Variants in SCGB3A1 observed in about 807,000 individuals in gnomAD.
SCGB3A1 encodes secretoglobin family 3A member 1, also known as cytokine HIN-1.
Under a neutral mutation model 7.6 loss-of-function variants are expected in SCGB3A1, and 7 were observed. The observed-to-expected ratio is 0.93, with a 90% CI of 0.53 to 1.74. The LOEUF is 1.74. Ranked by LOEUF, SCGB3A1 falls within the 40% of genes most tolerant of loss-of-function variation. The probability of loss-of-function intolerance (pLI) is 0.00; values close to 1 mark genes in which losing one functional copy is unlikely to be tolerated. For missense variants in SCGB3A1, 119 were observed against 129.0 expected (o/e 0.92, Z 0.38); for synonymous variants, 67 against 66.6 (o/e 1.01, Z -0.03).
chr5:180,590,886 G>C (rs1761302797), intron 1 of SCGB3A1, 48 bp from the exon 2 acceptor site: 1 of 1,464,830 alleles, frequency 6.8e-7, no homozygotes, highest in South Asian at 1.2e-5. Context: ...GGGGTCCCCA[G>C]AAGGCAGGTC....
At chr5:180,591,263 C>T in intron 1 of SCGB3A1, 148 bp downstream of exon 1, 1 of 585,252 alleles carries the variant, frequency 1.7e-6, no homozygotes, top group Non-Finnish European at 2.5e-6. Context: ...GGGCTGCAGG[C>T]GCGGGGCCCC....
intron 2 of SCGB3A1, 49 bp downstream of exon 2, chr5:180,590,551 C>CCGGGAAGGGATGCCCGCG (rs1332971456): frequency 5.5e-6 from 8 of 1,464,070 alleles, no homozygotes; most frequent in Non-Finnish European, 7.5e-6. Context: ...TTGAGGCTGG[C>CCGGGAAGGGATGCCCGCG]CGGGAAGGGA....
In SCGB3A1 at chr5:180,590,625, G is replaced by GC. The variant is rs1036982666; in HGVS notation, c.265dup (p.Ala89GlyfsTer26). ...CAGCAGGGCCTTCAGGGCCTTCACG[G>GC]CCCCCACGGCCTGGGGACCCAGCTC... On this transcript the variant is annotated frameshift_variant, in exon 2 of 3. Coordinates refer to ENST00000292641, the MANE Select transcript of SCGB3A1 (RefSeq NM_052863.3). LOFTEE classifies it high-confidence loss of function. 2.5e-6 allele frequency: 4 copies of GC among 1,602,732 alleles called. No individual in the cohort carries two copies. The highest frequency in any genetic ancestry group is 1.3e-5 in the African/African-American group (1 of 74,646).
chr5:180,590,242 C>G lies in SCGB3A1; in HGVS notation c.304G>C (p.Val102Leu). 2 of 1,583,980 alleles carry G rather than the reference C, an allele frequency of 1.3e-6. No individual in the cohort carries two copies. The highest frequency in any genetic ancestry group is 1.7e-6 in the Non-Finnish European group (2 of 1,165,564). ...GCTCCAGTCTCGGCTCAGCCAAACACTGTCAGGGCCCCCTGGAAAGCAGAA... is the reference window on the plus strand; with the variant it reads ...GCTCCAGTCTCGGCTCAGCCAAACAGTGTCAGGGCCCCCTGGAAAGCAGAA... The part of the protein sequence containing the change: ...ALKALLGALT[V>L]FG The change falls in exon 3 of 3, where the codon GTG (valine) becomes CTG (leucine). Residue 102 changes from valine (V) to leucine (L), a missense_variant. By Grantham distance (32) the Val-to-Leu change is conservative. Transcript: ENST00000292641.
Position 180,590,623 on chromosome 5 carries a change from C to T in SCGB3A1, c.268G>A (p.Val90Met). ...ACCAGCAGGGCCTTCAGGGCCTTCA[C>T]GGCCCCCACGGCCTGGGGACCCAGC... is the stretch of plus-strand genomic sequence containing the variant. ...AELGPQAVGAVKALKALLGAL... is the reference protein window; with the variant it reads ...AELGPQAVGAMKALKALLGAL... The change falls in exon 2 of 3, where the codon GTG becomes ATG. Residue 90 changes from valine to methionine, a missense_variant. Coordinates refer to ENST00000292641, the MANE Select transcript of SCGB3A1 (RefSeq NM_052863.3). The T allele has an allele frequency of 6.2e-7, 1 of 1,602,076 alleles. No individual in the cohort carries two copies. The highest frequency in any genetic ancestry group is 8.5e-7 in the Non-Finnish European group (1 of 1,174,596).
At position 180,591,445 on chromosome 5, in the gene SCGB3A1, G is replaced by A. The variant is rs1761314234; in HGVS notation, c.18C>T (p.Leu6=). 1 of 1,228,360 alleles carries A rather than the reference G, an allele frequency of 8.1e-7. No individual in the cohort carries two copies. 76.1% of individuals were successfully genotyped at this position (1,228,360 alleles called of 1,614,324 possible). MKLAA[L]LGLCVALSCS... The stretch of plus-strand genomic sequence containing the variant: ...AGGACAGGGCCACGCAGAGCCCCAG[G>A]AGGGCGGCGAGCTTCATGGCGCGGG... The change falls in exon 1 of 3, where the codon CTC becomes CTT. Residue 6 remains leucine (L), a synonymous_variant. Coordinates refer to ENST00000292641, the MANE Select transcript of SCGB3A1 (RefSeq NM_052863.3).
At position 180,590,165 on chromosome 5, in the gene SCGB3A1, G is replaced by A. The variant is rs1761285478; in HGVS notation, c.*66C>T. On this transcript the variant is annotated 3_prime_UTR_variant, in exon 3 of 3. Transcript: ENST00000292641. The stretch of plus-strand genomic sequence containing the variant: ...AAGGGGATGGACGGTCCTCCCCGCG[G>A]CGGGGTTTTCAGCCCTCGCGGGTGG... The A allele has an allele frequency of 6.5e-7, 1 of 1,535,366 alleles. No homozygotes were observed.
intron 1 of SCGB3A1, 113 bp from the exon 2 acceptor site, chr5:180,590,951 C>T: frequency 1.4e-6 from 1 of 736,438 alleles, no homozygotes; most frequent in Non-Finnish European, 2.1e-6. Flanking sequence ...GCCCGGCTCC[C>T]CGACCGCCCC....
chr5:180,590,310 C>CG, intron 2 of SCGB3A1, 56 bp from the exon 3 acceptor site: 1 of 1,553,606 alleles, frequency 6.4e-7, no homozygotes, highest in East Asian at 2.4e-5. Flanking sequence ...AGAACTCAGG[C>CG]GGGGGCGCGG....
chr5:180,590,519 C>T, intron 2 of SCGB3A1, 81 bp downstream of exon 2: 2 of 1,174,268 alleles, frequency 1.7e-6, no homozygotes, highest in African/African-American at 1.5e-5. Context: ...TGACGTAGGG[C>T]CGGGACACCT....
In SCGB3A1 at chr5:180,591,469, G is replaced by A; in HGVS notation, c.-7C>T. On this transcript the variant is annotated 5_prime_UTR_variant, in exon 1 of 3. Transcript: ENST00000292641. ...GGAGGGCGGCGAGCTTCATGGCGCGGGGGCTCGGGGCGCGCGGGGAACCTG... is the reference window on the plus strand; with the variant it reads ...GGAGGGCGGCGAGCTTCATGGCGCGAGGGCTCGGGGCGCGCGGGGAACCTG... The A allele has an allele frequency of 8.1e-7, 1 of 1,228,424 alleles. No individual in the cohort carries two copies. The highest frequency in any genetic ancestry group is 4.1e-5 in the South Asian group (1 of 24,296). 76.1% of individuals were successfully genotyped at this position (1,228,424 alleles called of 1,614,324 possible). A position where few individuals can be genotyped will look rare whatever the true frequency, so the allele number is the denominator to read the frequency against.
chr5:180,591,008 G>C, intron 1 of SCGB3A1, 170 bp from the exon 2 acceptor site: 1 of 562,978 alleles, frequency 1.8e-6, no homozygotes, highest in Non-Finnish European at 3.0e-6. Flanking sequence ...CGGGACACAG[G>C]CGGGTCTGGG....
At chr5:180,591,001 G>A (rs1158425458) in intron 1 of SCGB3A1, 163 bp from the exon 2 acceptor site, 2 of 567,260 alleles carry the variant, frequency 3.5e-6, no homozygotes, top group Non-Finnish European at 6.0e-6. Flanking sequence ...GAGCCCCCGG[G>A]ACACAGGCGG....
At position 180,591,424 on chromosome 5, in the gene SCGB3A1, C is replaced by G. The variant is rs1034357930; in HGVS notation, c.39G>C (p.Leu13=). 1.6e-6 allele frequency: 2 copies of G among 1,227,114 alleles called. No homozygotes were observed. Among genetic ancestry groups the G allele is most frequent in the Non-Finnish European group, 2.0e-6 (2 of 985,062 alleles). The allele number at this position is 1,227,114 out of a possible 1,614,324, so 76.0% of individuals were successfully genotyped here. ...LAALLGLCVA[L]SCSSAAAFLV... is the part of the protein sequence containing the mutation. Reference sequence around the variant, plus strand: ...CGGGGCGCTCACCGGAGCTGCAGGACAGGGCCACGCAGAGCCCCAGGAGGG... The same window carrying G: ...CGGGGCGCTCACCGGAGCTGCAGGAGAGGGCCACGCAGAGCCCCAGGAGGG... The change falls in exon 1 of 3, where the codon CTG becomes CTC. Residue 13 remains leucine, a synonymous_variant. Transcript: ENST00000292641.
chr5:180,591,138 C>A (rs1761307574), intron 1 of SCGB3A1: 2 of 416,184 alleles, frequency 4.8e-6, no homozygotes, highest in Non-Finnish European at 8.4e-6. Context: ...ACTCGCGCTG[C>A]GCCTTGCAGG....
intron 1 of SCGB3A1, 27 bp from the exon 2 acceptor site, chr5:180,590,865 G>T: frequency 1.3e-6 from 2 of 1,555,552 alleles, no homozygotes; most frequent in African/African-American, 1.4e-5. Context: ...AGGGGTCACC[G>T]CCTGCGCGCC....
At chr5:180,590,360 C>G in intron 2 of SCGB3A1, 106 bp from the exon 3 acceptor site, 1 of 1,447,960 alleles carries the variant, frequency 6.9e-7, no homozygotes, top group Non-Finnish European at 9.4e-7. Context: ...GGGGCGGTTC[C>G]GCTGGCGTCT....
chr5:180,590,912 C>CGGGA, intron 1 of SCGB3A1, 74 bp from the exon 2 acceptor site: 1 of 1,139,966 alleles, frequency 8.8e-7, no homozygotes, highest in East Asian at 2.6e-5. Flanking sequence ...CGCGCCCCCG[C>CGGGA]GGGAGGCGCC....
intron 1 of SCGB3A1, 35 bp downstream of exon 1, chr5:180,591,376 C>T (rs1581589085): frequency 8.2e-7 from 1 of 1,218,684 alleles, no homozygotes; most frequent in East Asian, 3.3e-5. Flanking sequence ...AGGCCTCAGG[C>T]CCCACCGTGC....
Sources: allele counts gnomAD v4.1 joint callset, GRCh38; gene constraint gnomAD v4.1.1; transcripts MANE v1.5; gene names NCBI Gene and HGNC (gene_info 2026-07-23, HGNC 2026-07-21).